FGF14: variants seen among roughly 807,000 people sequenced by gnomAD.
The protein encoded by FGF14 is fibroblast growth factor 14.
FGF14 carries 5 observed loss-of-function variants against 25.5 expected under a neutral mutation model. The ratio of observed to expected loss-of-function variants is 0.20; its 90% confidence interval spans 0.10 to 0.41. The LOEUF (loss-of-function observed/expected upper bound fraction) is 0.41. Ranked by LOEUF, FGF14 falls within the 10% of genes least tolerant of loss-of-function variation. FGF14 has a pLI of 1.00. For synonymous variants in FGF14, 138 were observed against 118.3 expected (o/e 1.17, Z -1.08); for missense variants, 222 against 320.1 (o/e 0.69, Z 2.34).
intron 3 of FGF14, among the ~76,000 whole-genome samples, chr13:101,782,262 C>T (rs1028472128): frequency 1.3e-5 from 2 of 152,188 alleles, no homozygotes; most frequent in Non-Finnish European, 2.9e-5. Context: ...TTCATTCTTC[C>T]TTAAATTATG....
chr13:102,224,643 T>C (rs1344675631), intron 1 of FGF14, among the ~76,000 whole-genome samples: 2 of 152,194 alleles, frequency 1.3e-5, no homozygotes, highest in African/African-American at 4.8e-5. Context: ...GTGTCATGTA[T>C]ACCAAATAGA....
At chr13:101,766,226 A>G (rs974008794) in intron 3 of FGF14, among the ~76,000 whole-genome samples, 1 of 152,196 alleles carries the variant, frequency 6.6e-6, no homozygotes, top group Non-Finnish European at 1.5e-5. Flanking sequence ...TAAAAAATGA[A>G]TTGCATAGTT....
intron 1 of FGF14, among the ~76,000 whole-genome samples, chr13:101,961,215 G>A (rs2036837629): frequency 6.6e-6 from 1 of 151,974 alleles, no homozygotes; most frequent in Non-Finnish European, 1.5e-5. Context: ...TCAATTTTTT[G>A]CTTTTGTTGC....
At chr13:101,964,377 T>C (rs1038338700) in intron 1 of FGF14, among the ~76,000 whole-genome samples, 2 of 152,242 alleles carry the variant, frequency 1.3e-5, no homozygotes, top group Non-Finnish European at 1.5e-5. Flanking sequence ...CTAAGGATGA[T>C]GTTTAATGAA....
At chr13:102,262,891 G>A (rs1332815291) in intron 1 of FGF14, among the ~76,000 whole-genome samples, 17 of 152,098 alleles carry the variant, frequency 1.1e-4, no homozygotes, top group Admixed American at 7.2e-4. Flanking sequence ...AAACCAATGC[G>A]TTCATAACAG....
At chr13:101,756,065 G>A (rs751258083) in intron 3 of FGF14, among the ~76,000 whole-genome samples, 12 of 152,110 alleles carry the variant, frequency 7.9e-5, no homozygotes, top group Non-Finnish European at 1.6e-4. Context: ...ATTTTAGTAC[G>A]AGAGCACAGC....
chr13:102,247,788 A>C (rs2051956669), intron 1 of FGF14, among the ~76,000 whole-genome samples: 1 of 152,160 alleles, frequency 6.6e-6, no homozygotes, highest in East Asian at 1.9e-4. Context: ...GCACATGCAC[A>C]CATATGTTAA....
chr13:101,905,236 T>C (rs757011510), intron 1 of FGF14, among the ~76,000 whole-genome samples: 98 of 152,252 alleles, frequency 6.4e-4, no homozygotes, highest in Non-Finnish European at 1.1e-3. Context: ...TATTCTACTA[T>C]AAAGACACAC....
intron 1 of FGF14, among the ~76,000 whole-genome samples, chr13:102,264,626 G>C (rs1183887518): frequency 2.0e-5 from 3 of 146,496 alleles, no homozygotes; most frequent in African/African-American, 7.4e-5. Flanking sequence ...GTCTTTACAG[G>C]TTGTACAGAA....
At chr13:102,349,028 G>T (rs1480744398) in intron 1 of FGF14, among the ~76,000 whole-genome samples, 1 of 152,078 alleles carries the variant, frequency 6.6e-6, no homozygotes, top group African/African-American at 2.4e-5. Context: ...TCACAAAGTG[G>T]GAGACCTTTT....
chr13:101,967,975 T>C (rs1338318791), intron 1 of FGF14, among the ~76,000 whole-genome samples: 2 of 152,206 alleles, frequency 1.3e-5, no homozygotes, highest in Non-Finnish European at 2.9e-5. Flanking sequence ...CCCATAACTG[T>C]AATGGAGATG....
Position 101,846,054 on chromosome 13 carries a change from G to T in FGF14, c.408+22671C>A, listed in dbSNP as rs116786657. Among the ~76,000 whole-genome samples the T allele has an allele frequency of 9.2e-3, 1,400 of 151,968 alleles. 17 individuals carry two copies. Among genetic ancestry groups the T allele is most frequent in the African/African-American group, 0.031 (1,284 of 41,452 alleles). On this transcript the variant is annotated intron_variant, in intron 3 of 4. Coordinates refer to ENST00000376143, the MANE Select transcript of FGF14 (RefSeq NM_004115.4). ...CATAGAAATTGAGTCTAACGTATTT[G>T]CCAAATGTATACAATTTATTAATAG... is the stretch of plus-strand genomic sequence containing the variant.
chr13:101,987,718 A>G (rs1020425028), intron 1 of FGF14, among the ~76,000 whole-genome samples: 9 of 152,110 alleles, frequency 5.9e-5, no homozygotes, highest in African/African-American at 2.2e-4. Context: ...ATGAAGAATG[A>G]CTGAAATAAC....
rs531547047 is a variant in FGF14 at position 101,924,749 on chromosome 13, T to A, written c.209-49453A>T. On this transcript the variant is annotated intron_variant, in intron 1 of 4. Coordinates refer to the FGF14 transcript ENST00000376131. ...AAGAGGCAATTAAGCCCCAGACATGTTAAATGATTGCCAAAGTTACACAGC... is the reference window on the plus strand; with the variant it reads ...AAGAGGCAATTAAGCCCCAGACATGATAAATGATTGCCAAAGTTACACAGC... 1.1e-4 allele frequency among the ~76,000 whole-genome samples: 17 copies of A among 152,278 alleles called. No individual in the cohort carries two copies. The South Asian group carries it at 3.3e-3, about 30-fold the overall frequency.
intron 1 of FGF14, among the ~76,000 whole-genome samples, chr13:102,145,171 G>A (rs1220359003): frequency 2.0e-5 from 3 of 152,180 alleles, no homozygotes; most frequent in Non-Finnish European, 4.4e-5. Flanking sequence ...ATTTGGAGGA[G>A]GTTGAGCCCT....
chr13:102,156,336 G>C (rs1244224208), intron 1 of FGF14, among the ~76,000 whole-genome samples: 1 of 152,102 alleles, frequency 6.6e-6, no homozygotes, highest in Non-Finnish European at 1.5e-5. Context: ...TTCATCCCTG[G>C]GATGCAAGGC....
At chr13:102,215,661 C>T (rs901858188) in intron 1 of FGF14, among the ~76,000 whole-genome samples, 3 of 152,152 alleles carry the variant, frequency 2.0e-5, no homozygotes, top group African/African-American at 7.2e-5. Flanking sequence ...CCATATTTAC[C>T]ATCCACACTA....
intron 1 of FGF14, among the ~76,000 whole-genome samples, chr13:102,023,081 C>A (rs1886935): frequency 4.7e-5 from 7 of 149,152 alleles, no homozygotes; most frequent in African/African-American, 1.5e-4. Flanking sequence ...CACACACAGC[C>A]AACAGCCACA....
intron 1 of FGF14, among the ~76,000 whole-genome samples, chr13:102,371,557 T>C (rs1463582769): frequency 6.6e-6 from 1 of 152,120 alleles, no homozygotes; most frequent in Non-Finnish European, 1.5e-5. Flanking sequence ...ATAGCTCTTG[T>C]CACGTTGCAT....
Sources: allele counts gnomAD v4.1 joint callset (sites outside exome capture counted in the v4.1 genomes callset), GRCh38; gene constraint gnomAD v4.1.1; transcripts MANE v1.5; gene names NCBI Gene and HGNC (gene_info 2026-07-23, HGNC 2026-07-21).